The following SCIN variants were observed in gnomAD, a reference collection of about 807,000 sequenced individuals.
SCIN encodes adseverin.
SCIN carries 91 observed loss-of-function variants against 91.8 expected under a neutral mutation model. The observed-to-expected ratio is 0.99, with a 90% CI of 0.84 to 1.18. The LOEUF (loss-of-function observed/expected upper bound fraction) is 1.18, where lower values mean the gene tolerates loss of function less well. SCIN is among the 50% of genes most tolerant of loss of function. The probability of loss-of-function intolerance (pLI) is 0.00; values close to 1 mark genes in which losing one functional copy is unlikely to be tolerated. For missense variants in SCIN, 1,087 were observed against 863.9 expected, an observed-to-expected ratio of 1.26 and a Z score of -3.24; for synonymous variants, 367 against 312.6, an observed-to-expected ratio of 1.17 and a Z score of -1.84.
intron 3 of SCIN, among the ~76,000 whole-genome samples, chr7:12,584,561 T>C (rs1782550429): frequency 6.6e-6 from 1 of 152,208 alleles, no homozygotes; most frequent in Admixed American, 6.5e-5. Flanking sequence ...CATAAGATAG[T>C]AAAATTATCA....
At chr7:12,599,715 T>C (rs1020590413) in intron 3 of SCIN, among the ~76,000 whole-genome samples, 4 of 152,112 alleles carry the variant, frequency 2.6e-5, no homozygotes, top group Non-Finnish European at 5.9e-5. Context: ...TGGCCATTCT[T>C]GCAGGAGTGA....
At chr7:12,572,535 C>G (rs1250855995) in intron 1 of SCIN, among the ~76,000 whole-genome samples, 1 of 152,206 alleles carries the variant, frequency 6.6e-6, no homozygotes, top group Non-Finnish European at 1.5e-5. Context: ...AATGCCATAT[C>G]TTACTGTAGA....
chr7:12,604,804 A>G, intron 4 of SCIN, 141 bp downstream of exon 4: 1 of 671,754 alleles, frequency 1.5e-6, no homozygotes. Context: ...GAGCCTAGCT[A>G]CAATTAGTAA....
chr7:12,593,647 T>A (rs1032493822), intron 3 of SCIN, among the ~76,000 whole-genome samples: 4 of 152,134 alleles, frequency 2.6e-5, no homozygotes, highest in Non-Finnish European at 5.9e-5. Context: ...TCATCTGCCT[T>A]TTGGGAAATG....
At chr7:12,592,060 A>G (rs1314202612) in intron 3 of SCIN, among the ~76,000 whole-genome samples, 1 of 152,138 alleles carries the variant, frequency 6.6e-6, no homozygotes, top group Non-Finnish European at 1.5e-5. Context: ...AATGAGGGCT[A>G]TCCCTGAAGC....
intron 3 of SCIN, among the ~76,000 whole-genome samples, chr7:12,590,240 A>T (rs1440367129): frequency 2.6e-5 from 4 of 152,180 alleles, no homozygotes; most frequent in Non-Finnish European, 4.4e-5. Flanking sequence ...GGTGTCTATA[A>T]GAGTAAGAAT....
At chr7:12,590,054 G>T (rs1782685919) in intron 3 of SCIN, among the ~76,000 whole-genome samples, 1 of 151,638 alleles carries the variant, frequency 6.6e-6, no homozygotes, top group South Asian at 2.1e-4. Context: ...AGACGCCACT[G>T]GATGCCAAGG....
At chr7:12,632,084 A>ATT (rs1783655195) in intron 9 of SCIN, among the ~76,000 whole-genome samples, 1 of 19,296 alleles carries the variant, frequency 5.2e-5, no homozygotes, top group Non-Finnish European at 1.1e-4. Context: ...ATTGGTTTTC[A>ATT]TTTTATTTTA....
rs1784144804 is a variant in SCIN at position 12,655,038 on chromosome 7, C to T, written c.*2323C>T. The T allele has an allele frequency of 6.6e-6, 1 of 152,126 alleles. No homozygotes were observed. Among genetic ancestry groups the T allele is most frequent in the African/African-American group, 2.4e-5 (1 of 41,430 alleles). 9.4% of individuals were successfully genotyped at this position (152,126 alleles called of 1,614,324 possible). On this transcript the variant is annotated 3_prime_UTR_variant, in exon 16 of 16. Transcript: ENST00000297029. ...CGCGGGAGATTGGCTCGAGGAACCC[C>T]ATGGATACCAACATCCTTGAATGCT...
intron 3 of SCIN, among the ~76,000 whole-genome samples, chr7:12,591,102 C>G (rs563442792): frequency 1.3e-5 from 2 of 151,788 alleles, no homozygotes. Flanking sequence ...GTGAGAGGCT[C>G]GGAGGAAATG....
intron 4 of SCIN, among the ~76,000 whole-genome samples, chr7:12,615,306 G>T (rs183731216): frequency 5.9e-5 from 9 of 152,244 alleles, no homozygotes; most frequent in African/African-American, 1.9e-4. Flanking sequence ...ATCAAGGGAG[G>T]GACCTGGTGG....
chr7:12,634,924 C>G (rs1783717261), intron 9 of SCIN, among the ~76,000 whole-genome samples: 3 of 152,138 alleles, frequency 2.0e-5, no homozygotes, highest in African/African-American at 7.2e-5. Flanking sequence ...CAGTGCCTCA[C>G]CCCTTTAATC....
At chr7:12,604,187 C>T (rs1234930291) in intron 3 of SCIN, among the ~76,000 whole-genome samples, 10 of 152,002 alleles carry the variant, frequency 6.6e-5, no homozygotes, top group Admixed American at 6.6e-4. Context: ...CATATTTTTA[C>T]AGATTCTTTA....
rs1373192806 is a variant in SCIN, at chr7:12,653,048, T to A, written c.*333T>A. On this transcript the variant is annotated 3_prime_UTR_variant, in exon 16 of 16. Transcript: ENST00000297029. The surrounding 1 kb of genome is among the most constrained non-coding windows in gnomAD (Gnocchi z 4.1). ...TGAACCCAGGAGGCTGAGGTTGCAG[T>A]GAGCCAGGATTGCGCCACCACACTC... 1 of 161,328 alleles carries A rather than the reference T, an allele frequency of 6.2e-6. No homozygotes were observed. Among genetic ancestry groups the A allele is most frequent in the Non-Finnish European group, 1.3e-5 (1 of 77,386 alleles). 10.0% of individuals were successfully genotyped at this position (161,328 alleles called of 1,614,324 possible).
intron 3 of SCIN, among the ~76,000 whole-genome samples, chr7:12,588,026 C>T (rs1782627245): frequency 1.3e-5 from 2 of 152,174 alleles, no homozygotes; most frequent in African/African-American, 4.8e-5. Flanking sequence ...TGTTGGCTTT[C>T]AGACTTTTGT....
intron 3 of SCIN, among the ~76,000 whole-genome samples, chr7:12,601,021 G>C: frequency 6.6e-6 from 1 of 152,132 alleles, no homozygotes; most frequent in East Asian, 1.9e-4. Flanking sequence ...CAATAGAAGT[G>C]CACTATTCTT....
intron 3 of SCIN, among the ~76,000 whole-genome samples, chr7:12,602,915 G>A (rs1421490827): frequency 2.6e-5 from 4 of 152,112 alleles, no homozygotes; most frequent in Non-Finnish European, 5.9e-5. Flanking sequence ...GAAGGTAATA[G>A]GATTAAGAGA....
intron 10 of SCIN, among the ~76,000 whole-genome samples, chr7:12,636,471 C>T (rs1292449658): frequency 6.6e-6 from 1 of 152,150 alleles, no homozygotes; most frequent in Non-Finnish European, 1.5e-5. Flanking sequence ...TCAACAGATA[C>T]AGTAGGCAGA....
In SCIN at chr7:12,630,633, G is replaced by A. The variant is rs118184156; in HGVS notation, c.1319+1411G>A. On this transcript the variant is annotated intron_variant, in intron 9 of 15. Transcript: ENST00000297029. The stretch of plus-strand genomic sequence containing the variant: ...TATTTAGCTCTGCGATTAACATGTC[G>A]TCTTAATAGCAACCATTCTGTGAGC... 6.1e-3 allele frequency among the ~76,000 whole-genome samples: 934 copies of A among 152,312 alleles called. 6 individuals carry two copies. The highest frequency in any genetic ancestry group is 0.019 in the South Asian group (90 of 4,828).
Sources: gnomAD v4.1 joint callset for allele counts (sites outside exome capture counted in the v4.1 genomes callset) on GRCh38, gnomAD v4.1.1 for gene constraint, Gnocchi (gnomAD v3.1) non-coding constraint, MANE v1.5 for transcripts, NCBI Gene and HGNC (gene_info 2026-07-23, HGNC 2026-07-21) for gene names.